NPAS3: variants seen among roughly 807,000 people sequenced by gnomAD.
NPAS3 encodes the protein neuronal PAS domain-containing protein 3.
A neutral mutation model predicts 73.1 loss-of-function variants in NPAS3; 14 were observed. The ratio of observed to expected loss-of-function variants is 0.19; its 90% CI spans 0.13 to 0.30. The LOEUF is 0.30. Among genes scored for constraint, NPAS3 ranks in the 10% least tolerant of loss-of-function variants. The pLI, the probability that NPAS3 is intolerant of heterozygous loss-of-function variation, is 1.00. For synonymous variants in NPAS3, 620 were observed against 541.5 expected (o/e 1.14, Z -2.01); for missense variants, 1,096 against 1,250.0 (o/e 0.88, Z 1.86).
intron 1 of NPAS3, among the ~76,000 whole-genome samples, chr14:33,042,550 C>G (rs2040379154): frequency 6.6e-6 from 1 of 152,180 alleles, no homozygotes; most frequent in African/African-American, 2.4e-5. Context: ...GCAATTGAGG[C>G]ACATTTCTTG....
intron 5 of NPAS3, among the ~76,000 whole-genome samples, chr14:33,666,689 C>T (rs923418410): frequency 1.3e-5 from 2 of 152,098 alleles, no homozygotes; most frequent in African/African-American, 4.8e-5. Context: ...TTTCTTCTCT[C>T]TCCAAAGTGG....
intron 3 of NPAS3, among the ~76,000 whole-genome samples, chr14:33,307,995 G>C (rs1021919268): frequency 6.6e-6 from 1 of 151,988 alleles, no homozygotes; most frequent in Non-Finnish European, 1.5e-5. Flanking sequence ...CTTGGGTCCC[G>C]CTGCAACATT....
intron 1 of NPAS3, among the ~76,000 whole-genome samples, chr14:32,957,538 AT>A (rs926486466): frequency 6.6e-6 from 1 of 151,590 alleles, no homozygotes; most frequent in African/African-American, 2.4e-5. Flanking sequence ...CGCCCGGCTA[AT>A]TTTTTTGTAT....
At chr14:33,087,904 T>G (rs923464819) in intron 2 of NPAS3, among the ~76,000 whole-genome samples, 3 of 152,242 alleles carry the variant, frequency 2.0e-5, no homozygotes, top group African/African-American at 7.2e-5. Flanking sequence ...ATTGTTTTCA[T>G]ACTTCAGTAA....
At chr14:33,129,978 T>C (rs565635127) in intron 2 of NPAS3, among the ~76,000 whole-genome samples, 1 of 152,306 alleles carries the variant, frequency 6.6e-6, no homozygotes, top group East Asian at 1.9e-4. Context: ...CATGGCTCCC[T>C]AATAGTGTGT....
intron 3 of NPAS3, among the ~76,000 whole-genome samples, chr14:33,346,939 T>A (rs1013210340): frequency 6.6e-6 from 1 of 152,188 alleles, no homozygotes; most frequent in African/African-American, 2.4e-5. Flanking sequence ...CCTGCCAATA[T>A]GTTTCCTCCA....
At chr14:33,667,682 T>C (rs2059491640) in intron 5 of NPAS3, among the ~76,000 whole-genome samples, 5 of 152,026 alleles carry the variant, frequency 3.3e-5, no homozygotes, top group Admixed American at 2.6e-4. Flanking sequence ...AAAATAGCAG[T>C]ATATTAGGCC....
intron 4 of NPAS3, among the ~76,000 whole-genome samples, chr14:33,451,898 G>A (rs1035071188): frequency 4.6e-5 from 7 of 152,144 alleles, no homozygotes. Flanking sequence ...ATCCATACAA[G>A]TATCATTTAT....
At chr14:33,087,095 A>G (rs1272572200) in intron 2 of NPAS3, among the ~76,000 whole-genome samples, 1 of 148,316 alleles carries the variant, frequency 6.7e-6, no homozygotes, top group East Asian at 1.9e-4. Context: ...AATATGTTAT[A>G]CAATATAATA....
chr14:33,541,027 A>G (rs1438659967), intron 4 of NPAS3, among the ~76,000 whole-genome samples: 3 of 151,876 alleles, frequency 2.0e-5, no homozygotes, highest in Admixed American at 6.6e-5. Context: ...TTAGGCATCC[A>G]TGATCAACCA....
intron 2 of NPAS3, among the ~76,000 whole-genome samples, chr14:33,096,513 G>C (rs1235756369): frequency 6.6e-6 from 1 of 152,192 alleles, no homozygotes; most frequent in African/African-American, 2.4e-5. Context: ...AACAGGTTTA[G>C]TATTGGACTG....
intron 7 of NPAS3, among the ~76,000 whole-genome samples, chr14:33,757,998 G>T (rs72664573): frequency 0.011 from 1,730 of 152,288 alleles, 15 homozygotes; most frequent in Middle Eastern, 0.044. Flanking sequence ...CCTTATAAAG[G>T]TTAATTAAAC....
intron 1 of NPAS3, among the ~76,000 whole-genome samples, chr14:33,047,900 T>G (rs2040565565): frequency 6.6e-6 from 1 of 152,190 alleles, no homozygotes; most frequent in East Asian, 1.9e-4. Flanking sequence ...AAGCTATCCA[T>G]CTGAGATTTG....
In NPAS3 at chr14:33,194,516, T is replaced by A. The variant is rs556336287; in HGVS notation, c.141-20666T>A. Among the ~76,000 whole-genome samples, 10 of 152,328 alleles carry A rather than the reference T, an allele frequency of 6.6e-5. No individual in the cohort carries two copies. The East Asian group carries it at 1.9e-3, about 29-fold the overall frequency. On this transcript the variant is annotated intron_variant, in intron 2 of 11. Transcript: ENST00000356141. ...TACTATTAAAAATTCTCTACGTATTTCAGTTGAAAGGAGATTTCACTTTTA... is the reference window on the plus strand; with the variant it reads ...TACTATTAAAAATTCTCTACGTATTACAGTTGAAAGGAGATTTCACTTTTA...
chr14:33,311,364 G>A (rs1367790560), intron 3 of NPAS3, among the ~76,000 whole-genome samples: 1 of 152,138 alleles, frequency 6.6e-6, no homozygotes, highest in African/African-American at 2.4e-5. Context: ...TACATTTTAT[G>A]TGTAAGTTTC....
chr14:33,494,230 AAC>A (rs2052050631), intron 4 of NPAS3, among the ~76,000 whole-genome samples: 2 of 152,240 alleles, frequency 1.3e-5, no homozygotes, highest in South Asian at 4.1e-4. Context: ...TAGGAGAACA[AAC>A]ACTTCCAAAA....
At chr14:33,117,124 G>A (rs1281606531) in intron 2 of NPAS3, among the ~76,000 whole-genome samples, 2 of 151,662 alleles carry the variant, frequency 1.3e-5, no homozygotes, top group Admixed American at 1.3e-4. Flanking sequence ...TGATGTTTTC[G>A]TACATATATG....
chr14:33,292,258 C>A (rs1368033684), intron 3 of NPAS3, among the ~76,000 whole-genome samples: 1 of 152,140 alleles, frequency 6.6e-6, no homozygotes, highest in East Asian at 1.9e-4. Flanking sequence ...CCTCTGCAAA[C>A]TTTATGTAGT....
At chr14:33,774,214 G>A in intron 7 of NPAS3, 123 bp from the exon 8 acceptor site, 1 of 691,964 alleles carries the variant, frequency 1.4e-6, no homozygotes. Flanking sequence ...CAGCCATTAT[G>A]ATTACAGAAG....
Sources: gnomAD v4.1 joint callset for allele counts (sites outside exome capture counted in the v4.1 genomes callset) on GRCh38, gnomAD v4.1.1 for gene constraint, MANE v1.5 for transcripts, NCBI Gene and HGNC (gene_info 2026-07-23, HGNC 2026-07-21) for gene names.